Variants in FMNL1 observed in about 807,000 individuals in gnomAD.
The protein encoded by FMNL1 is formin-like protein 1.
FMNL1 carries 43 observed loss-of-function variants against 121.3 expected under a neutral mutation model. The observed-to-expected ratio is 0.35, with a 90% CI of 0.28 to 0.46. The LOEUF is 0.46. FMNL1 is among the 20% of genes least tolerant of loss of function. The pLI is 1.00. For missense variants in FMNL1, 1,191 were observed against 1,482.4 expected (o/e 0.80, Z 3.23); for synonymous variants, 613 against 613.5 (o/e 1.00, Z 0.01).
In FMNL1 at chr17:45,237,196, A is replaced by G; in HGVS notation, c.724-85A>G. On this transcript the variant is annotated intron_variant, in intron 7 of 26. Transcript: ENST00000331495. The surrounding 1 kb of genome is among the most constrained non-coding windows in gnomAD (Gnocchi z 4.4). ...GGATACAAAGAACTTCCTAAACTCG[A>G]GGGCAGTTAAAGATCCACGTGGCGT... 6.4e-6 allele frequency: 8 copies of G among 1,247,546 alleles called. No homozygotes were observed. Among genetic ancestry groups the G allele is most frequent in the Non-Finnish European group, 9.4e-6 (8 of 854,734 alleles). 77.3% of individuals were successfully genotyped at this position (1,247,546 alleles called of 1,614,324 possible). A position where few individuals can be genotyped will look rare whatever the true frequency, so the allele number is the denominator to read the frequency against.
chr17:45,237,927 G>A lies in FMNL1; in HGVS notation c.894+288G>A, dbSNP rs183918876. On this transcript the variant is annotated intron_variant, in intron 9 of 26. Coordinates refer to ENST00000331495, the MANE Select transcript of FMNL1 (RefSeq NM_005892.4). The surrounding 1 kb of genome is among the most constrained non-coding windows in gnomAD (Gnocchi z 4.4). The stretch of plus-strand genomic sequence containing the variant: ...GCCTTGCCAGATCCAAACTAGCCTT[G>A]GTTCATACCTCCAGGAGTTGCGGAC... 2 of 363,184 alleles carry A rather than the reference G, an allele frequency of 5.5e-6. No homozygotes were observed. The highest frequency in any genetic ancestry group is 8.4e-5 in the Admixed American group (2 of 23,796). The allele number at this position is 363,184 out of a possible 1,614,324, so 22.5% of individuals were successfully genotyped here. A position where few individuals can be genotyped will look rare whatever the true frequency, so the allele number is the denominator to read the frequency against.
chr17:45,236,233 A>G lies in FMNL1; in HGVS notation c.712A>G (p.Met238Val). 2 of 1,613,884 alleles carry G rather than the reference A, an allele frequency of 1.2e-6. No individual in the cohort carries two copies. The highest frequency in any genetic ancestry group is 1.7e-6 in the Non-Finnish European group (2 of 1,179,938). Residue 238 changes from methionine (M) to valine (V), a missense_variant, in exon 7 of 27, where the codon ATG (methionine) becomes GTG (valine). By Grantham distance (21) the Met-to-Val change is conservative. Transcript: ENST00000331495. ...HVCIMCLRAI[M>V]NYQSGFSLVM... ...CTGTATTATGTGCCTACGCGCCATC[A>G]TGAACTACCAGGTCAGCCGAGGGGC...
At chr17:45,226,032 C>A (rs1368484381) in intron 1 of FMNL1, among the ~76,000 whole-genome samples, 3 of 152,142 alleles carry the variant, frequency 2.0e-5, no homozygotes, top group African/African-American at 7.2e-5. Flanking sequence ...GGAGCCCAGA[C>A]CCTGCCTGTC....
At chr17:45,234,381 G>A (rs2043506645) in intron 6 of FMNL1, 181 bp downstream of exon 6, 16 of 1,049,226 alleles carry the variant, frequency 1.5e-5, no homozygotes, top group Non-Finnish European at 2.1e-5. Flanking sequence ...CATCAGGGGT[G>A]GGGCTGGGTG....
intron 11 of FMNL1, chr17:45,240,187 G>A: frequency 4.8e-6 from 1 of 207,664 alleles, no homozygotes; most frequent in Non-Finnish European, 9.7e-6. Context: ...GGAGAGAATG[G>A]CAAGTGACTG....
At chr17:45,236,301 GC>G in intron 7 of FMNL1, 57 bp downstream of exon 7, 1 of 1,425,934 alleles carries the variant, frequency 7.0e-7, no homozygotes, top group Non-Finnish European at 9.8e-7. Flanking sequence ...CTCACTGGGG[GC>G]TACACAAGCT....
chr17:45,241,546 C>T lies in FMNL1; in HGVS notation c.1497C>T (p.Val499=), dbSNP rs758409520. 7 of 1,574,234 alleles carry T rather than the reference C, an allele frequency of 4.4e-6. No individual in the cohort carries two copies. In the South Asian group the frequency reaches 8.1e-5, roughly 18 times the overall value. Reference sequence around the variant, plus strand: ...TTCTGCGGGGGCCGGGGGATGCTGTCTCCATCGAGATCCTCCCCGTCGCTG... The same window carrying T: ...TTCTGCGGGGGCCGGGGGATGCTGTTTCCATCGAGATCCTCCCCGTCGCTG... The part of the protein sequence containing the change: ...IRILRGPGDA[V]SIEILPVAVA... The change falls in exon 14 of 27, where the codon GTC becomes GTT. Residue 499 remains valine (V), a synonymous_variant. Coordinates refer to ENST00000331495, the MANE Select transcript of FMNL1 (RefSeq NM_005892.4). The surrounding 1 kb of genome is among the most constrained non-coding windows in gnomAD (Gnocchi z 7.0).
Position 45,233,389 on chromosome 17 carries a change from C to T in FMNL1, c.401+92C>T, listed in dbSNP as rs991989329. ...CTTCCCCTTCCTACTCCCCCTGCCC[C>T]CTGCACAAGGCTGTGCTTGTGGACC... On this transcript the variant is annotated intron_variant, in intron 4 of 26. Coordinates refer to ENST00000331495, the MANE Select transcript of FMNL1 (RefSeq NM_005892.4). The surrounding 1 kb of genome is among the most constrained non-coding windows in gnomAD (Gnocchi z 4.1). 6 of 1,352,000 alleles carry T rather than the reference C, an allele frequency of 4.4e-6. No homozygotes were observed. The highest frequency in any genetic ancestry group is 2.5e-5 in the East Asian group (1 of 39,832). The allele number at this position is 1,352,000 out of a possible 1,614,324, so 83.8% of individuals were successfully genotyped here.
At chr17:45,242,933 C>T (rs990253595) in intron 16 of FMNL1, among the ~76,000 whole-genome samples, 185 bp from the exon 17 acceptor site, 1 of 152,208 alleles carries the variant, frequency 6.6e-6, no homozygotes, top group Non-Finnish European at 1.5e-5. Context: ...GTTAGGCGGC[C>T]CTCCTCCTCC....
In FMNL1 at chr17:45,233,987, G is replaced by C; in HGVS notation, c.486-85G>C. Reference sequence around the variant, plus strand: ...TCCTGCTCCTTAGTCTCACCTGCAGGTCTGTCTCTCCTTGCGTTTCCTCTG... The same window carrying C: ...TCCTGCTCCTTAGTCTCACCTGCAGCTCTGTCTCTCCTTGCGTTTCCTCTG... On this transcript the variant is annotated intron_variant, in intron 5 of 26. Transcript: ENST00000331495. The surrounding 1 kb of genome is among the most constrained non-coding windows in gnomAD (Gnocchi z 4.1). 6.5e-7 allele frequency: 1 copy of C among 1,540,092 alleles called. No individual in the cohort carries two copies. The highest frequency in any genetic ancestry group is 1.9e-5 in the Admixed American group (1 of 51,286).
Position 45,236,178 on chromosome 17 carries a change from C to T in FMNL1, c.657C>T (p.Arg219=), listed in dbSNP as rs1470713880. The stretch of plus-strand genomic sequence containing the variant: ...GCAGGAAGGCCCTGCGGAATTCCCG[C>T]ATCGTCAGCCAGAAGGACGACGTCC... ...AHSRKALRNS[R]IVSQKDDVHV... is the part of the protein sequence containing the mutation. Residue 219 remains arginine, a synonymous_variant, in exon 7 of 27, where the codon CGC becomes CGT. Coordinates refer to ENST00000331495, the MANE Select transcript of FMNL1 (RefSeq NM_005892.4). 4 of 1,613,854 alleles carry T rather than the reference C, an allele frequency of 2.5e-6. No individual in the cohort carries two copies. The highest frequency in any genetic ancestry group is 2.2e-5 in the East Asian group (1 of 44,888).
chr17:45,239,106 C>T (rs767811870), intron 11 of FMNL1, 41 bp downstream of exon 11: 39 of 1,521,484 alleles, frequency 2.6e-5, no homozygotes, highest in South Asian at 9.0e-5. Flanking sequence ...TGCCTGCCCA[C>T]GGCAGAGTAT....
At position 45,243,118 on chromosome 17, in the gene FMNL1, G is replaced by C. The variant is rs1389984189; in HGVS notation, c.2011G>C (p.Glu671Gln). Residue 671 changes from glutamate to glutamine, a missense_variant and splice_region_variant, in exon 17 of 27, where the codon GAG becomes CAG. Transcript: ENST00000331495. ...TELNDEKVLQ[E>Q]LDMSDFEEQF... The stretch of plus-strand genomic sequence containing the variant: ...CCGCCTCCTCACCCTGTACCTTCAG[G>C]AGCTAGACATGAGTGATTTTGAGGA... The C allele has an allele frequency of 1.9e-6, 3 of 1,613,994 alleles. No homozygotes were observed. Among genetic ancestry groups the C allele is most frequent in the Non-Finnish European group, 1.7e-6 (2 of 1,180,028 alleles).
chr17:45,228,782 C>A (rs1731833184), intron 1 of FMNL1, among the ~76,000 whole-genome samples: 1 of 152,104 alleles, frequency 6.6e-6, no homozygotes, highest in South Asian at 2.1e-4. Context: ...AAGCAGCTGT[C>A]CCCTCTGTGG....
rs115645233 is a variant in FMNL1, at chr17:45,240,930, C to T, written c.1231-199C>T. ...TCAGTCTCCTCCTCTCCCTCCACCT[C>T]CCGCATCACTGGTACCTTGGTTTCC... On this transcript the variant is annotated intron_variant, in intron 12 of 26. Coordinates refer to ENST00000331495, the MANE Select transcript of FMNL1 (RefSeq NM_005892.4). The T allele has an allele frequency of 1.1e-3, 764 of 723,774 alleles. 5 individuals are homozygous for T. The African/African-American group carries it at 0.011, about 10-fold the overall frequency. 44.8% of individuals were successfully genotyped at this position (723,774 alleles called of 1,614,324 possible).
intron 3 of FMNL1, chr17:45,232,947 C>T (rs1397544007): frequency 3.4e-6 from 2 of 584,520 alleles, no homozygotes; most frequent in South Asian, 1.5e-5. Context: ...TGTGCGCACA[C>T]ACACTCTGCC....
At position 45,222,138 on chromosome 17, in the gene FMNL1, C is replaced by T; in HGVS notation, c.14C>T (p.Ala5Val). 8.5e-7 allele frequency: 1 copy of T among 1,179,072 alleles called. No homozygotes were observed. The highest frequency in any genetic ancestry group is 3.9e-5 in the South Asian group (1 of 25,852). The allele number at this position is 1,179,072 out of a possible 1,614,324, so 73.0% of individuals were successfully genotyped here. A position where few individuals can be genotyped will look rare whatever the true frequency, so the allele number is the denominator to read the frequency against. MGNA[A>V]GSAEQPAGPA... ...GTGGGGACCACCATGGGCAACGCGG[C>T]CGGCAGCGCCGAGCAGCCCGCGGGC... The change falls in exon 1 of 27, where the codon GCC becomes GTC. Residue 5 changes from alanine (A) to valine (V), a missense_variant. By Grantham distance (64) the Ala-to-Val change is moderately conservative (BLOSUM62 0). Around this residue, in one of 4 missense-constraint regions of FMNL1, gnomAD observed 52 missense variants for 43.4 expected, o/e 1.20. Transcript: ENST00000331495.
chr17:45,224,497 G>A (rs1567953588), intron 1 of FMNL1, among the ~76,000 whole-genome samples: 2 of 152,168 alleles, frequency 1.3e-5, no homozygotes, highest in African/African-American at 4.8e-5. Context: ...CAGTCTCAAT[G>A]GGAGAAGCAC....
At position 45,237,781 on chromosome 17, in the gene FMNL1, C is replaced by A; in HGVS notation, c.894+142C>A. On this transcript the variant is annotated intron_variant, in intron 9 of 26. Transcript: ENST00000331495. The surrounding 1 kb of genome is among the most constrained non-coding windows in gnomAD (Gnocchi z 4.4). ...GAACGCCCAAAAGTTGAAGTTGAGC[C>A]ACATCACTGGCTCAGCAATCTGGGA... 1.2e-6 allele frequency: 1 copy of A among 855,168 alleles called. No homozygotes were observed. The allele number at this position is 855,168 out of a possible 1,614,324, so 53.0% of individuals were successfully genotyped here. A position where few individuals can be genotyped will look rare whatever the true frequency, so the allele number is the denominator to read the frequency against.
Sources: gnomAD v4.1 joint callset for allele counts (sites outside exome capture counted in the v4.1 genomes callset) on GRCh38, gnomAD v4.1.1 for gene constraint, gnomAD v4.1.1 regional missense constraint, Gnocchi (gnomAD v3.1) non-coding constraint, MANE v1.5 for transcripts, NCBI Gene and HGNC (gene_info 2026-07-23, HGNC 2026-07-21) for gene names.